ENGASE: variants seen among roughly 807,000 people sequenced by gnomAD.
ENGASE encodes the protein endo-beta-N-acetylglucosaminidase.
ENGASE carries 69 observed loss-of-function variants against 78.5 expected under a neutral mutation model. The observed-to-expected ratio is 0.88, with a 90% CI of 0.72 to 1.07. ENGASE has a LOEUF of 1.07. ENGASE is among the 50% of genes least tolerant of loss of function. The pLI is 0.00. For synonymous variants in ENGASE, 408 were observed against 408.9 expected (o/e 1.00, Z 0.03); for missense variants, 943 against 988.4 (o/e 0.95, Z 0.62).
At chr17:79,079,450 G>T in intron 3 of ENGASE, 39 bp from the exon 4 acceptor site, 1 of 1,596,212 alleles carries the variant, frequency 6.3e-7, no homozygotes, top group Non-Finnish European at 8.5e-7. Context: ...ATAAAGGCAT[G>T]AGCTGCCGTG....
rs777682166 is a variant in ENGASE at position 79,077,458 on chromosome 17, T to C, written c.175T>C (p.Phe59Leu). Residue 59 changes from phenylalanine to leucine, a missense_variant, in exon 2 of 14, where the codon TTT (phenylalanine) becomes CTT (leucine). By Grantham distance (22) the Phe-to-Leu change is conservative (BLOSUM62 0). Coordinates refer to ENST00000579016, the MANE Select transcript of ENGASE (RefSeq NM_001042573.3). ...CAAAGATGAAGAAGAAGAGACAGTC[T>C]TTCGAGAGGTGGTCAGTTTTTCCCC... The part of the protein sequence containing the change: ...SIKDEEEETV[F>L]REVVSFSPDP... The C allele has an allele frequency of 7.6e-6, 12 of 1,578,800 alleles. No homozygotes were observed. The highest frequency in any genetic ancestry group is 3.6e-4 in the Middle Eastern group (2 of 5,482).
In ENGASE at chr17:79,084,695, A is replaced by T. The variant is rs752820939; in HGVS notation, c.1591+9A>T. On this transcript the variant is annotated intron_variant, in intron 11 of 13. Transcript: ENST00000579016. ...CATCTCAGTGTTGAACGGTGAGGTA[A>T]TGGGGCCCAGGCCTGCCTCTGCCCA... 189 of 1,611,552 alleles carry T rather than the reference A, an allele frequency of 1.2e-4. No individual in the cohort carries two copies. Among genetic ancestry groups the T allele is most frequent in the Non-Finnish European group, 1.6e-4 (183 of 1,179,122 alleles).
At chr17:79,075,630 G>A (rs1394458925) in intron 1 of ENGASE, 1 of 940,460 alleles carries the variant, frequency 1.1e-6, no homozygotes, top group Non-Finnish European at 1.3e-6. Flanking sequence ...CCTCTGGGCT[G>A]GGCTTCCTTC....
chr17:79,075,393 C>T (rs1183671160), intron 1 of ENGASE, among the ~76,000 whole-genome samples: 1 of 152,250 alleles, frequency 6.6e-6, no homozygotes, highest in Admixed American at 6.5e-5. Context: ...CGGCCAGACC[C>T]CTGCTTCCCA....
At chr17:79,082,821 C>T (rs548691909) in intron 7 of ENGASE, 199 bp from the exon 8 acceptor site, 53 of 1,514,908 alleles carry the variant, frequency 3.5e-5, no homozygotes, top group Admixed American at 3.1e-4. Context: ...CCGCCTCTCC[C>T]GCGCCCTCTT....
At position 79,075,082 on chromosome 17, in the gene ENGASE, G is replaced by A; in HGVS notation, c.138G>A (p.Pro46=). The change falls in exon 1 of 14, where the codon CCG becomes CCA. Residue 46 remains proline, a synonymous_variant. Transcript: ENST00000579016. ...DQEPRPRRRR[P]GRSIKDEEEE... The stretch of plus-strand genomic sequence containing the variant: ...AGCCGCGGCCGCGGCGGCGGCGGCC[G>A]GGAAGGAGGTGGGGCTGCGGGGCCC... 2 of 1,208,052 alleles carry A rather than the reference G, an allele frequency of 1.7e-6. No individual in the cohort carries two copies. Among genetic ancestry groups the A allele is most frequent in the Non-Finnish European group, 2.1e-6 (2 of 971,678 alleles). The allele number at this position is 1,208,052 out of a possible 1,614,324, so 74.8% of individuals were successfully genotyped here. A position where few individuals can be genotyped will look rare whatever the true frequency, so the allele number is the denominator to read the frequency against.
In ENGASE at chr17:79,083,742, G is replaced by T; in HGVS notation, c.1252-19G>T. ...CTGTTGGCCTCTGCTGAGTGCCCCT[G>T]TTCTGCCCTTTTCTTCAGGAAGAGG... On this transcript the variant is annotated intron_variant, in intron 9 of 13. Transcript: ENST00000579016. The surrounding 1 kb of genome is among the most constrained non-coding windows in gnomAD (Gnocchi z 4.9). 3.1e-6 allele frequency: 5 copies of T among 1,602,674 alleles called. No individual in the cohort carries two copies. The highest frequency in any genetic ancestry group is 4.3e-6 in the Non-Finnish European group (5 of 1,173,954).
rs377455066 is a variant in ENGASE, at chr17:79,082,109, C to T, written c.1038+46C>T. On this transcript the variant is annotated intron_variant, in intron 7 of 13. Transcript: ENST00000579016. ...AAGGGCCAGCGGCCCAGTGCCTCCCCTGGGACCTCATTTCCTCATGGACCT... is the reference window on the plus strand; with the variant it reads ...AAGGGCCAGCGGCCCAGTGCCTCCCTTGGGACCTCATTTCCTCATGGACCT... The T allele has an allele frequency of 5.4e-4, 874 of 1,613,896 alleles. 1 individual carries two copies. The highest frequency in any genetic ancestry group is 9.9e-4 in the Middle Eastern group (6 of 6,084).
Position 79,081,089 on chromosome 17 carries a change from G to C in ENGASE, c.872+16G>C, listed in dbSNP as rs886911205. ...AGCACAACAGGTGAGCCTGCAGACAGGTGCTGTGAGGGGGCAGGTGCCGTG... is the reference window on the plus strand; with the variant it reads ...AGCACAACAGGTGAGCCTGCAGACACGTGCTGTGAGGGGGCAGGTGCCGTG... On this transcript the variant is annotated intron_variant, in intron 6 of 13. Coordinates refer to ENST00000579016, the MANE Select transcript of ENGASE (RefSeq NM_001042573.3). 6.3e-6 allele frequency: 10 copies of C among 1,580,944 alleles called. No individual in the cohort carries two copies. The highest frequency in any genetic ancestry group is 8.6e-6 in the Non-Finnish European group (10 of 1,164,788).
intron 4 of ENGASE, 65 bp downstream of exon 4, chr17:79,079,702 T>A (rs1344371549): frequency 6.4e-7 from 1 of 1,571,100 alleles, no homozygotes. Flanking sequence ...GGGGACCCCG[T>A]GATTAGGAGG....
chr17:79,085,129 G>T, intron 11 of ENGASE, 105 bp from the exon 12 acceptor site: 1 of 883,250 alleles, frequency 1.1e-6, no homozygotes, highest in East Asian at 2.5e-5. Flanking sequence ...GCGTCTGGCC[G>T]AATCAGGCAG....
In ENGASE at chr17:79,087,574, C is replaced by T. The variant is rs1185512891; in HGVS notation, c.*1225C>T. 2 of 154,096 alleles carry T rather than the reference C, an allele frequency of 1.3e-5. No individual in the cohort carries two copies. The highest frequency in any genetic ancestry group is 2.4e-5 in the African/African-American group (1 of 41,228). The allele number at this position is 154,096 out of a possible 1,614,324, so 9.5% of individuals were successfully genotyped here. ...GGTGGGGTCTGTTGTGGTCCTTCCACGGTGTCAGTGGCCTGAAGTCCCTCG... is the reference window on the plus strand; with the variant it reads ...GGTGGGGTCTGTTGTGGTCCTTCCATGGTGTCAGTGGCCTGAAGTCCCTCG... On this transcript the variant is annotated 3_prime_UTR_variant, in exon 14 of 14. Coordinates refer to ENST00000579016, the MANE Select transcript of ENGASE (RefSeq NM_001042573.3).
At chr17:79,079,360 G>A in intron 3 of ENGASE, 129 bp from the exon 4 acceptor site, 1 of 1,031,248 alleles carries the variant, frequency 9.7e-7, no homozygotes, top group East Asian at 2.5e-5. Context: ...GAGAGATGGG[G>A]TTTTGCCATG....
chr17:79,083,302 G>A lies in ENGASE; in HGVS notation c.1142+179G>A, dbSNP rs943349037. ...CTTCCGGGCAGGGACCAAACCCAGC[G>A]GCCGCTTCCTGCAGACTCGTGTTTG... On this transcript the variant is annotated intron_variant, in intron 8 of 13. Transcript: ENST00000579016. The surrounding 1 kb of genome is among the most constrained non-coding windows in gnomAD (Gnocchi z 4.9). 23 of 695,272 alleles carry A rather than the reference G, an allele frequency of 3.3e-5. No individual in the cohort carries two copies. The highest frequency in any genetic ancestry group is 4.8e-5 in the Non-Finnish European group (20 of 414,960). The allele number at this position is 695,272 out of a possible 1,614,324, so 43.1% of individuals were successfully genotyped here.
rs753055126 is a variant in ENGASE, at chr17:79,086,228, C to T, written c.2111C>T (p.Ala704Val). 1 of 1,613,466 alleles carries T rather than the reference C, an allele frequency of 6.2e-7. No homozygotes were observed. Among genetic ancestry groups the T allele is most frequent in the Non-Finnish European group, 8.5e-7 (1 of 1,180,030 alleles). Reference sequence around the variant, plus strand: ...CGGATAGTGGACCTGCTGGTGGAAGCCGCCGGGCCCGGCCAGGATCGTCGC... The same window carrying T: ...CGGATAGTGGACCTGCTGGTGGAAGTCGCCGGGCCCGGCCAGGATCGTCGC... ...QYRIVDLLVEAAGPGQDRRME... is the reference protein window; with the variant it reads ...QYRIVDLLVEVAGPGQDRRME... The change falls in exon 14 of 14, where the codon GCC becomes GTC. Residue 704 changes from alanine to valine, a missense_variant. By Grantham distance (64) the Ala-to-Val change is moderately conservative. Coordinates refer to ENST00000579016, the MANE Select transcript of ENGASE (RefSeq NM_001042573.3).
rs2073263658 is a variant in ENGASE at position 79,085,308 on chromosome 17, T to A, written c.1666T>A (p.Cys556Ser). The A allele has an allele frequency of 1.2e-6, 2 of 1,612,578 alleles. No homozygotes were observed. Among genetic ancestry groups the A allele is most frequent in the Admixed American group, 1.7e-5 (1 of 59,886 alleles). ...PTKLARWVGR[C>S]GRQLSGGWVQ... ...CAAGCTGGCCAGATGGGTGGGCCGC[T>A]GCGGCCGGCAGCTGAGTGGGGGCTG... is the stretch of plus-strand genomic sequence containing the variant. The change falls in exon 12 of 14, where the codon TGC becomes AGC. Residue 556 changes from cysteine to serine, a missense_variant. Transcript: ENST00000579016.
intron 5 of ENGASE, 65 bp downstream of exon 5, chr17:79,080,429 T>C: frequency 1.3e-6 from 2 of 1,581,124 alleles, no homozygotes; most frequent in Non-Finnish European, 1.7e-6. Context: ...TCCACCTCTT[T>C]CCTGCCTTGG....
chr17:79,085,677 A>G lies in ENGASE; in HGVS notation c.1758A>G (p.Ser586=). The G allele has an allele frequency of 6.2e-7, 1 of 1,613,784 alleles. No individual in the cohort carries two copies. The part of the protein sequence containing the change: ...CLLLDLLVCF[S]RPPGSREEES... ...TGCTAGACCTCCTCGTTTGCTTCTCACGGCCGCCGGGTAGTCGGGAGGAGG... is the reference window on the plus strand; with the variant it reads ...TGCTAGACCTCCTCGTTTGCTTCTCGCGGCCGCCGGGTAGTCGGGAGGAGG... The change falls in exon 13 of 14, where the codon TCA becomes TCG. Residue 586 remains serine, a synonymous_variant. Coordinates refer to ENST00000579016, the MANE Select transcript of ENGASE (RefSeq NM_001042573.3).
rs978795236 is a variant in ENGASE, at chr17:79,087,105, A to G, written c.*756A>G. On this transcript the variant is annotated 3_prime_UTR_variant, in exon 14 of 14. Transcript: ENST00000579016. ...GCATGCAGGGAAGTGGCTCTGAGGC[A>G]GTCTGCGCTGTGGCCCTGCCTCTGC... 2.0e-5 allele frequency: 9 copies of G among 455,936 alleles called. No individual in the cohort carries two copies. The highest frequency in any genetic ancestry group is 1.6e-4 in the African/African-American group (8 of 50,054). 28.2% of individuals were successfully genotyped at this position (455,936 alleles called of 1,614,324 possible).
Sources: allele counts gnomAD v4.1 joint callset (sites outside exome capture counted in the v4.1 genomes callset), GRCh38; gene constraint gnomAD v4.1.1; non-coding constraint Gnocchi (gnomAD v3.1); transcripts MANE v1.5; gene names NCBI Gene and HGNC (gene_info 2026-07-23, HGNC 2026-07-21).